Variants in KLHL1 observed in about 807,000 individuals in gnomAD.
The protein encoded by KLHL1 is kelch-like protein 1.
KLHL1 carries 47 observed loss-of-function variants against 77.7 expected under a neutral mutation model. The ratio of observed to expected loss-of-function variants is 0.60; its 90% CI spans 0.48 to 0.77. The LOEUF is 0.77. Among genes scored for constraint, KLHL1 ranks in the 30% least tolerant of loss-of-function variants. KLHL1 has a pLI of 0.00. For synonymous variants in KLHL1, 360 were observed against 325.2 expected (o/e 1.11, Z -1.15); for missense variants, 925 against 910.8 (o/e 1.02, Z -0.20).
intron 4 of KLHL1, among the ~76,000 whole-genome samples, chr13:69,922,450 G>C (rs977808275): frequency 2.5e-5 from 3 of 119,004 alleles, no homozygotes; most frequent in Non-Finnish European, 5.7e-5. Context: ...AAGTAGGTCC[G>C]AGTTTATAAA....
intron 7 of KLHL1, among the ~76,000 whole-genome samples, chr13:69,777,455 A>T (rs1404608370): frequency 6.6e-6 from 1 of 152,162 alleles, no homozygotes; most frequent in African/African-American, 2.4e-5. Flanking sequence ...GTCATATTAG[A>T]TATTATCCTT....
chr13:69,834,806 T>C (rs566919748), intron 6 of KLHL1, among the ~76,000 whole-genome samples: 1 of 152,226 alleles, frequency 6.6e-6, no homozygotes, highest in South Asian at 2.1e-4. Flanking sequence ...GAATATTTGC[T>C]AATAATCCCT....
At chr13:70,080,690 G>A (rs1466921996) in intron 1 of KLHL1, among the ~76,000 whole-genome samples, 1 of 151,976 alleles carries the variant, frequency 6.6e-6, no homozygotes, top group Non-Finnish European at 1.5e-5. Flanking sequence ...TCCACCTCCC[G>A]GGTTCATGCA....
chr13:70,089,483 G>A (rs943897735), intron 1 of KLHL1, among the ~76,000 whole-genome samples: 1 of 152,088 alleles, frequency 6.6e-6, no homozygotes, highest in African/African-American at 2.4e-5. Flanking sequence ...TATTGGCAAT[G>A]ACATCAAATA....
At chr13:69,819,631 T>G (rs79093590) in intron 6 of KLHL1, among the ~76,000 whole-genome samples, 1 of 145,954 alleles carries the variant, frequency 6.9e-6, no homozygotes, top group South Asian at 2.1e-4. Context: ...AAAAAAAAAA[T>G]GTAGAAATAA....
intron 1 of KLHL1, among the ~76,000 whole-genome samples, chr13:70,071,845 T>G (rs189268381): frequency 6.6e-6 from 1 of 152,014 alleles, no homozygotes; most frequent in Admixed American, 6.6e-5. Context: ...TACAGCAAAA[T>G]TGGAAGTATG....
intron 10 of KLHL1, among the ~76,000 whole-genome samples, chr13:69,702,431 C>CA (rs1875438708): frequency 6.6e-6 from 1 of 151,600 alleles, no homozygotes; most frequent in Non-Finnish European, 1.5e-5. Flanking sequence ...GACAAGCCAA[C>CA]ATTTTGATAA....
At chr13:69,907,146 T>A (rs1040641262) in intron 4 of KLHL1, among the ~76,000 whole-genome samples, 7 of 152,098 alleles carry the variant, frequency 4.6e-5, no homozygotes, top group African/African-American at 1.7e-4. Flanking sequence ...GTTGGTAACA[T>A]AGGTTCATTG....
intron 4 of KLHL1, 42 bp downstream of exon 4, chr13:69,939,996 AAC>A: frequency 1.4e-6 from 2 of 1,429,908 alleles, no homozygotes; most frequent in East Asian, 4.7e-5. Context: ...TACCTCTGAT[AAC>A]ACAGAGTGTG....
chr13:70,024,776 C>T (rs1885900445), intron 1 of KLHL1, among the ~76,000 whole-genome samples: 2 of 151,664 alleles, frequency 1.3e-5, no homozygotes, highest in African/African-American at 4.8e-5. Flanking sequence ...TTATACAGAT[C>T]AAATTTAGGA....
At chr13:69,905,204 A>C (rs1474864516) in intron 4 of KLHL1, among the ~76,000 whole-genome samples, 1 of 152,134 alleles carries the variant, frequency 6.6e-6, no homozygotes, top group Non-Finnish European at 1.5e-5. Flanking sequence ...AATGGAATCT[A>C]CATGTTGGTT....
At chr13:69,811,790 T>A (rs976895119) in intron 6 of KLHL1, among the ~76,000 whole-genome samples, 1 of 152,202 alleles carries the variant, frequency 6.6e-6, no homozygotes, top group Non-Finnish European at 1.5e-5. Flanking sequence ...GATTCTTCTC[T>A]CTTTTCTTCT....
At chr13:69,985,310 A>C (rs981016222) in intron 1 of KLHL1, among the ~76,000 whole-genome samples, 1 of 152,162 alleles carries the variant, frequency 6.6e-6, no homozygotes, top group Non-Finnish European at 1.5e-5. Flanking sequence ...CTGAGTGTAA[A>C]ATAGGCAAAA....
At chr13:70,007,734 A>G (rs1313920616) in intron 1 of KLHL1, among the ~76,000 whole-genome samples, 1 of 152,014 alleles carries the variant, frequency 6.6e-6, no homozygotes, top group Non-Finnish European at 1.5e-5. Context: ...TTAAATTTTA[A>G]AAAATCATAA....
At chr13:69,826,795 C>T (rs920455119) in intron 6 of KLHL1, among the ~76,000 whole-genome samples, 1 of 151,490 alleles carries the variant, frequency 6.6e-6, no homozygotes, top group African/African-American at 2.4e-5. Context: ...ATAATGTGTT[C>T]TTTTAAGAGA....
At chr13:70,054,462 A>ATG (rs1291860088) in intron 1 of KLHL1, among the ~76,000 whole-genome samples, 1 of 152,106 alleles carries the variant, frequency 6.6e-6, no homozygotes, top group African/African-American at 2.4e-5. Flanking sequence ...ATGGATATAT[A>ATG]CGTAACATTG....
intron 1 of KLHL1, among the ~76,000 whole-genome samples, chr13:70,022,992 G>A (rs527460181): frequency 3.0e-4 from 45 of 151,964 alleles, no homozygotes; most frequent in Non-Finnish European, 5.0e-4. Context: ...TCTTCCATAT[G>A]CATAACACAT....
chr13:69,750,656 C>A (rs1335211642), intron 7 of KLHL1, among the ~76,000 whole-genome samples: 1 of 151,772 alleles, frequency 6.6e-6, no homozygotes, highest in Non-Finnish European at 1.5e-5. Context: ...AACAGATTGA[C>A]TCATATACTA....
At chr13:69,956,495 C>A (rs1442743846) in intron 3 of KLHL1, among the ~76,000 whole-genome samples, 2 of 151,340 alleles carry the variant, frequency 1.3e-5, no homozygotes, top group East Asian at 1.9e-4. Context: ...CACTATATAG[C>A]AATATGATAG....
Sources: gnomAD v4.1 joint callset for allele counts (sites outside exome capture counted in the v4.1 genomes callset) on GRCh38, gnomAD v4.1.1 for gene constraint, MANE v1.5 for transcripts, NCBI Gene and HGNC (gene_info 2026-07-23, HGNC 2026-07-21) for gene names.